NAT16: variants seen among roughly 807,000 people sequenced by gnomAD.
NAT16 encodes the protein N-acetyltransferase 16 (putative).
A neutral mutation model predicts 15.9 loss-of-function variants in NAT16; 16 were observed. That is an observed-to-expected ratio of 1.01 (90% CI 0.68 to 1.53). The LOEUF is 1.53. Ranked by LOEUF, NAT16 falls within the 40% of genes most tolerant of loss-of-function variation. The probability of loss-of-function intolerance (pLI) is 0.00; values close to 1 mark genes in which losing one functional copy is unlikely to be tolerated. For missense variants in NAT16, 572 were observed against 508.4 expected (o/e 1.13, Z -1.20); for synonymous variants, 260 against 241.9 (o/e 1.07, Z -0.69).
At position 101,171,979 on chromosome 7, in the gene NAT16, T is replaced by C. The variant is rs1797331748; in HGVS notation, c.*100A>G. 1.2e-6 allele frequency: 1 copy of C among 835,412 alleles called. No individual in the cohort carries two copies. The highest frequency in any genetic ancestry group is 1.7e-5 in the South Asian group (1 of 59,654). The allele number at this position is 835,412 out of a possible 1,614,324, so 51.7% of individuals were successfully genotyped here. A position where few individuals can be genotyped will look rare whatever the true frequency, so the allele number is the denominator to read the frequency against. On this transcript the variant is annotated 3_prime_UTR_variant, in exon 4 of 4. Coordinates refer to ENST00000300303, the MANE Select transcript of NAT16 (RefSeq NM_198571.3). ...AGGAGGGCAGGAGTCAGAGGGGACT[T>C]CCCAGGAGACGCAGCGTCGGAAATG...
At position 101,173,267 on chromosome 7, in the gene NAT16, C is replaced by T. The variant is rs373710717; in HGVS notation, c.537+29G>A. The stretch of plus-strand genomic sequence containing the variant: ...CCCCATATGCCCCAGCAGAGAGGCC[C>T]AGCCATCCGAGCTCCCTGTCCTTCT... On this transcript the variant is annotated intron_variant, in intron 3 of 3. Coordinates refer to ENST00000300303, the MANE Select transcript of NAT16 (RefSeq NM_198571.3). The T allele has an allele frequency of 6.3e-6, 10 of 1,592,852 alleles. No homozygotes were observed. In the African/African-American group the frequency reaches 1.1e-4, roughly 17 times the overall value.
At chr7:101,175,388 G>C (rs1355277190) in intron 1 of NAT16, among the ~76,000 whole-genome samples, 2 of 151,914 alleles carry the variant, frequency 1.3e-5, no homozygotes. Context: ...TTACAGGTGT[G>C]AGCCACTCTA....
chr7:101,179,847 G>A lies in NAT16; in HGVS notation c.-5+195C>T, dbSNP rs556701399. Among the ~76,000 whole-genome samples, 27 of 151,318 alleles carry A rather than the reference G, an allele frequency of 1.8e-4. No homozygotes were observed. The South Asian group carries it at 5.2e-3, about 29-fold the overall frequency. ...GGGAGCGACATGGCAACAGAGGGGG[G>A]CGGGGGAGCGCTTCTGGACACCTGA... is the stretch of plus-strand genomic sequence containing the variant. On this transcript the variant is annotated intron_variant, in intron 1 of 3. Coordinates refer to ENST00000300303, the MANE Select transcript of NAT16 (RefSeq NM_198571.3).
intron 2 of NAT16, 84 bp from the exon 3 acceptor site, chr7:101,173,604 A>G (rs1797395425): frequency 8.0e-7 from 1 of 1,257,388 alleles, no homozygotes; most frequent in South Asian, 1.5e-5. Context: ...TCCTCTTCCC[A>G]CACGCTGAGC....
At position 101,172,752 on chromosome 7, in the gene NAT16, G is replaced by A; in HGVS notation, c.538-101C>T. 1.0e-6 allele frequency: 1 copy of A among 977,560 alleles called. No individual in the cohort carries two copies. Among genetic ancestry groups the A allele is most frequent in the Non-Finnish European group, 1.4e-6 (1 of 700,174 alleles). 60.6% of individuals were successfully genotyped at this position (977,560 alleles called of 1,614,324 possible). On this transcript the variant is annotated intron_variant, in intron 3 of 3. Coordinates refer to ENST00000300303, the MANE Select transcript of NAT16 (RefSeq NM_198571.3). The surrounding 1 kb of genome is among the most constrained non-coding windows in gnomAD (Gnocchi z 4.2). Reference sequence around the variant, plus strand: ...CTTCACTCCCACGTTCACGCCCACGGGCTCCCACCTGGGTCCCTCTGGAGG... The same window carrying A: ...CTTCACTCCCACGTTCACGCCCACGAGCTCCCACCTGGGTCCCTCTGGAGG...
At chr7:101,178,550 C>G (rs768424316) in intron 1 of NAT16, among the ~76,000 whole-genome samples, 6 of 151,718 alleles carry the variant, frequency 4.0e-5, no homozygotes, top group Non-Finnish European at 4.4e-5. Context: ...CCAGGTATCT[C>G]CTGGACCAAG....
chr7:101,173,997 T>TG (rs1185709166), intron 2 of NAT16: 1 of 207,384 alleles, frequency 4.8e-6, no homozygotes, highest in Non-Finnish European at 9.5e-6. Context: ...CCCAAAGAGC[T>TG]GGGGTTACAG....
chr7:101,176,169 C>A (rs1037634142), intron 1 of NAT16, among the ~76,000 whole-genome samples: 1 of 152,156 alleles, frequency 6.6e-6, no homozygotes, highest in African/African-American at 2.4e-5. Context: ...CCTGTCCCCC[C>A]ACCTCCACCT....
In NAT16 at chr7:101,171,677, C is replaced by G. The variant is rs981798749; in HGVS notation, c.*402G>C. 1.7e-5 allele frequency: 3 copies of G among 181,726 alleles called. No individual in the cohort carries two copies. The Admixed American group carries it at 1.8e-4, about 11-fold the overall frequency. The allele number at this position is 181,726 out of a possible 1,614,324, so 11.3% of individuals were successfully genotyped here. ...GCATCCCACACACTCCTGAGTTCTT[C>G]CACCCACGAGGGGGCAGAAGGGAGA... On this transcript the variant is annotated 3_prime_UTR_variant, in exon 4 of 4. Coordinates refer to ENST00000300303, the MANE Select transcript of NAT16 (RefSeq NM_198571.3).
Position 101,172,344 on chromosome 7 carries a change from C to T in NAT16, c.845G>A (p.Arg282His). ...ARPRVLTLCTRPFPIPHGGDG... is the reference protein window; with the variant it reads ...ARPRVLTLCTHPFPIPHGGDG... ...CCCTCCGTGCGGGATGGGGAAGGGG[C>T]GCGTGCACAGCGTGAGCACGCGCGG... Residue 282 changes from arginine (R) to histidine (H), a missense_variant, in exon 4 of 4, where the codon CGC (arginine) becomes CAC (histidine). Transcript: ENST00000300303. This position sits in a 1 kb window ranked among gnomAD's most constrained non-coding sequence, Gnocchi z 4.2. The T allele has an allele frequency of 1.3e-6, 2 of 1,596,228 alleles. No individual in the cohort carries two copies. The highest frequency in any genetic ancestry group is 1.7e-6 in the Non-Finnish European group (2 of 1,173,250).
chr7:101,172,798 G>T lies in NAT16; in HGVS notation c.538-147C>A. The T allele has an allele frequency of 1.5e-6, 1 of 648,930 alleles. No homozygotes were observed. Among genetic ancestry groups the T allele is most frequent in the Non-Finnish European group, 2.5e-6 (1 of 400,618 alleles). The allele number at this position is 648,930 out of a possible 1,614,324, so 40.2% of individuals were successfully genotyped here. A position where few individuals can be genotyped will look rare whatever the true frequency, so the allele number is the denominator to read the frequency against. ...GGAGGAGCGACCGTGAGGGCTCCGG[G>T]CCGAGTGGGGTATGGGAAAGCCTGG... On this transcript the variant is annotated intron_variant, in intron 3 of 3. Coordinates refer to ENST00000300303, the MANE Select transcript of NAT16 (RefSeq NM_198571.3). The surrounding 1 kb of genome is among the most constrained non-coding windows in gnomAD (Gnocchi z 4.2).
chr7:101,174,643 GAAGTCCA>G lies in NAT16; in HGVS notation c.158_164del (p.Leu53SerfsTer50). Reference sequence around the variant, plus strand: ...CAAACTCCCGTTCCGTGGCCACCACGAAGTCCAATGGCTCGGCCTCAGCCTCAGGCCC... The same window carrying G: ...CAAACTCCCGTTCCGTGGCCACCACGATGGCTCGGCCTCAGCCTCAGGCCC... On this transcript the variant is annotated frameshift_variant, in exon 2 of 4. Transcript: ENST00000300303. LOFTEE classifies it high-confidence loss of function. 1 of 1,614,022 alleles carries G rather than the reference GAAGTCCA, an allele frequency of 6.2e-7. No homozygotes were observed. The highest frequency in any genetic ancestry group is 8.5e-7 in the Non-Finnish European group (1 of 1,180,016).
At chr7:101,178,904 A>AAAAAAAAAAAG in intron 1 of NAT16, among the ~76,000 whole-genome samples, 1 of 150,190 alleles carries the variant, frequency 6.7e-6, no homozygotes, top group African/African-American at 2.4e-5. Flanking sequence ...AAAAAAAAAA[A>AAAAAAAAAAAG]AAAAAAGAGG....
Position 101,174,536 on chromosome 7 carries a change from GGGTCC to G in NAT16, c.267_271del (p.Asp90ArgfsTer161). The stretch of plus-strand genomic sequence containing the variant: ...CTTGGCCAGCACCACCGTGCGGTCG[GGGTCC>G]CGGAGCCAGCTGTGGTAGCGGCTAG... On this transcript the variant is annotated frameshift_variant, in exon 2 of 4. Coordinates refer to ENST00000300303, the MANE Select transcript of NAT16 (RefSeq NM_198571.3). LOFTEE classifies it high-confidence loss of function. 1 of 1,613,844 alleles carries G rather than the reference GGGTCC, an allele frequency of 6.2e-7. No homozygotes were observed. Among genetic ancestry groups the G allele is most frequent in the Admixed American group, 1.7e-5 (1 of 60,014 alleles).
chr7:101,175,624 TA>T (rs548448006), intron 1 of NAT16, among the ~76,000 whole-genome samples: 127 of 143,398 alleles, frequency 8.9e-4, no homozygotes, highest in East Asian at 1.6e-3. Context: ...GGGGTAGTTT[TA>T]AAAAAAAAAA....
At chr7:101,174,361 T>G in intron 2 of NAT16, 135 bp downstream of exon 2, 2 of 1,219,326 alleles carry the variant, frequency 1.6e-6, no homozygotes, top group Non-Finnish European at 2.2e-6. Context: ...CCCTGCACTT[T>G]GGTCCCAAAG....
chr7:101,176,280 A>C (rs1406406798), intron 1 of NAT16, among the ~76,000 whole-genome samples: 3 of 152,150 alleles, frequency 2.0e-5, no homozygotes, highest in African/African-American at 7.2e-5. Flanking sequence ...AGATCACCTG[A>C]GGTCAGGAGT....
chr7:101,174,832 C>T, intron 1 of NAT16, 21 bp from the exon 2 acceptor site: 1 of 1,524,706 alleles, frequency 6.6e-7, no homozygotes, highest in Non-Finnish European at 8.8e-7. Flanking sequence ...AAAGAGAATT[C>T]AGCACCTGGA....
Position 101,170,630 on chromosome 7 carries a change from G to A in NAT16, c.*1449C>T, listed in dbSNP as rs1305371220. On this transcript the variant is annotated 3_prime_UTR_variant, in exon 4 of 4. Coordinates refer to ENST00000300303, the MANE Select transcript of NAT16 (RefSeq NM_198571.3). The stretch of plus-strand genomic sequence containing the variant: ...CCAGAGCTGCGGAAAGTGGCGAAGC[G>A]GCGGCTGCCCCTACCCCCCACCTTG... 2 of 152,420 alleles carry A rather than the reference G, an allele frequency of 1.3e-5. No homozygotes were observed. The highest frequency in any genetic ancestry group is 4.8e-5 in the African/African-American group (2 of 41,424). The allele number at this position is 152,420 out of a possible 1,614,324, so 9.4% of individuals were successfully genotyped here.
Sources: gnomAD v4.1 joint callset for allele counts (sites outside exome capture counted in the v4.1 genomes callset) on GRCh38, gnomAD v4.1.1 for gene constraint, Gnocchi (gnomAD v3.1) non-coding constraint, MANE v1.5 for transcripts, NCBI Gene and HGNC (gene_info 2026-07-23, HGNC 2026-07-21) for gene names.